The following KCNG3 variants were observed in gnomAD, a reference collection of about 807,000 sequenced individuals.
KCNG3 encodes potassium voltage-gated channel modifier subfamily G member 3.
Under a neutral mutation model 29.0 loss-of-function variants are expected in KCNG3, and 15 were observed. The observed-to-expected ratio is 0.52, with a 90% confidence interval of 0.35 to 0.80. The LOEUF (loss-of-function observed/expected upper bound fraction) is 0.80. KCNG3 is among the 30% of genes least tolerant of loss of function. KCNG3 has a pLI of 0.01. For missense variants in KCNG3, 512 were observed against 605.7 expected, an observed-to-expected ratio of 0.85 and a Z score of 1.62; for synonymous variants, 322 against 248.9, an observed-to-expected ratio of 1.29 and a Z score of -2.76.
the KCNG3 span, among the ~76,000 whole-genome samples, chr2:42,408,345 T>C: frequency 6.6e-6 from 1 of 152,084 alleles, no homozygotes; most frequent in East Asian, 1.9e-4. Flanking sequence ...TGTGGTGCCT[T>C]TTCTGGGCCC....
the KCNG3 span, among the ~76,000 whole-genome samples, chr2:42,434,659 T>C: frequency 1.2e-5 from 1 of 81,160 alleles, no homozygotes; most frequent in Admixed American, 1.9e-4. Context: ...AGAGTGAAAC[T>C]CCATCTCAAA....
downstream of KCNG3, among the ~76,000 whole-genome samples, chr2:42,441,291 G>A (rs1290140665): frequency 1.3e-5 from 2 of 152,028 alleles, no homozygotes; most frequent in South Asian, 4.1e-4. Context: ...GGGAGGCTGG[G>A]GTGGGAGGAC....
chr2:42,467,405 C>T (rs762683538), intron 1 of KCNG3, among the ~76,000 whole-genome samples: 4 of 152,276 alleles, frequency 2.6e-5, no homozygotes, highest in South Asian at 2.1e-4. Context: ...CAGCAACTCA[C>T]GCCTGTAATC....
At chr2:42,406,486 T>C in the KCNG3 span, among the ~76,000 whole-genome samples, 1 of 149,900 alleles carries the variant, frequency 6.7e-6, no homozygotes, top group Non-Finnish European at 1.5e-5. Flanking sequence ...CCCAAAGTGC[T>C]GGGATTACAG....
At chr2:42,470,784 G>C (rs150218818) in intron 1 of KCNG3, among the ~76,000 whole-genome samples, 1 of 152,040 alleles carries the variant, frequency 6.6e-6, no homozygotes, top group South Asian at 2.1e-4. Flanking sequence ...GCTGACATGG[G>C]AGGCTGAGGC....
At chr2:42,390,536 G>C in the KCNG3 span, among the ~76,000 whole-genome samples, 1 of 152,312 alleles carries the variant, frequency 6.6e-6, no homozygotes, top group East Asian at 1.9e-4. Context: ...AGTGAACGAA[G>C]GAGTGAGAAA....
intron 1 of KCNG3, among the ~76,000 whole-genome samples, chr2:42,459,245 T>C (rs1287326721): frequency 6.6e-6 from 1 of 151,170 alleles, no homozygotes; most frequent in Non-Finnish European, 1.5e-5. Context: ...AATGGTATTA[T>C]GGTTTTATGA....
At chr2:42,492,389 G>T (rs1421584622) in intron 1 of KCNG3, among the ~76,000 whole-genome samples, 1 of 152,190 alleles carries the variant, frequency 6.6e-6, no homozygotes, top group Non-Finnish European at 1.5e-5. Flanking sequence ...AGAATGTGTG[G>T]AGAGTGCACA....
chr2:42,436,079 C>T, the KCNG3 span, among the ~76,000 whole-genome samples: 9 of 152,150 alleles, frequency 5.9e-5, no homozygotes, highest in Admixed American at 2.6e-4. Flanking sequence ...CTGATACATG[C>T]TACAACATGG....
intron 1 of KCNG3, among the ~76,000 whole-genome samples, chr2:42,481,293 C>A (rs1673577414): frequency 6.6e-6 from 1 of 152,148 alleles, no homozygotes; most frequent in Admixed American, 6.5e-5. Flanking sequence ...AAAGGGAAAC[C>A]CTGACACCAC....
chr2:42,396,351 T>A, the KCNG3 span, among the ~76,000 whole-genome samples: 2 of 152,246 alleles, frequency 1.3e-5, no homozygotes, highest in Non-Finnish European at 2.9e-5. Flanking sequence ...GCATCAGATA[T>A]GCCAAAATGT....
At chr2:42,418,728 A>G in the KCNG3 span, among the ~76,000 whole-genome samples, 1 of 152,196 alleles carries the variant, frequency 6.6e-6, no homozygotes, top group East Asian at 1.9e-4. Flanking sequence ...GTATGCACAC[A>G]AATGTGATTT....
intron 1 of KCNG3, among the ~76,000 whole-genome samples, chr2:42,456,933 T>C (rs1672890909): frequency 6.6e-6 from 1 of 152,132 alleles, no homozygotes; most frequent in Admixed American, 6.5e-5. Context: ...AGGAAAAAAG[T>C]AGGGTTTTTT....
chr2:42,470,289 T>C, intron 1 of KCNG3: 1 of 340,840 alleles, frequency 2.9e-6, no homozygotes, highest in Non-Finnish European at 5.8e-6. Context: ...ACTCACGCAA[T>C]AAAATAATTG....
the KCNG3 span, among the ~76,000 whole-genome samples, chr2:42,394,966 TG>T: frequency 6.6e-6 from 1 of 152,214 alleles, no homozygotes; most frequent in Non-Finnish European, 1.5e-5. Context: ...ATCTTCCTCT[TG>T]ACACTGCCCT....
chr2:42,398,323 T>C, the KCNG3 span, among the ~76,000 whole-genome samples: 2 of 152,008 alleles, frequency 1.3e-5, no homozygotes, highest in African/African-American at 4.8e-5. Context: ...CTGAGATCAG[T>C]GCTTTTTGCC....
the KCNG3 span, among the ~76,000 whole-genome samples, chr2:42,391,188 T>C: frequency 0.016 from 2,448 of 152,270 alleles, 81 homozygotes; most frequent in African/African-American, 0.055. Context: ...GAGGGGAAAT[T>C]AGAGCAGAAG....
At chr2:42,404,680 A>T in the KCNG3 span, among the ~76,000 whole-genome samples, 1 of 152,080 alleles carries the variant, frequency 6.6e-6, no homozygotes, top group Non-Finnish European at 1.5e-5. Flanking sequence ...GTGAGCTGAG[A>T]TTGTGCCACT....
chr2:42,472,607 C>T (rs551597959), intron 1 of KCNG3, among the ~76,000 whole-genome samples: 1 of 151,328 alleles, frequency 6.6e-6, no homozygotes, highest in Non-Finnish European at 1.5e-5. Flanking sequence ...TCCAGCGATT[C>T]TCCACCTCAG....
Sources: gnomAD v4.1 joint callset for allele counts (sites outside exome capture counted in the v4.1 genomes callset) on GRCh38, gnomAD v4.1.1 for gene constraint, MANE v1.5 for transcripts, NCBI Gene and HGNC (gene_info 2026-07-23, HGNC 2026-07-21) for gene names.